Variants in PAK1 observed in about 807,000 individuals in gnomAD.
PAK1 encodes the protein p21 (RAC1) activated kinase 1.
In PAK1, 29 loss-of-function variants were observed where a neutral mutation model predicts 67.4. The ratio of observed to expected loss-of-function variants is 0.43; its 90% CI spans 0.32 to 0.59. PAK1 has a LOEUF of 0.59. PAK1 is among the 20% of genes least tolerant of loss of function. PAK1 has a pLI of 0.07. For synonymous variants in PAK1, 223 were observed against 237.4 expected, an observed-to-expected ratio of 0.94 and a Z score of 0.56; for missense variants, 337 against 670.7, an observed-to-expected ratio of 0.50 and a Z score of 5.50.
Position 77,398,208 on chromosome 11 carries a change from T to C in PAK1, c.-21-5667A>G, listed in dbSNP as rs149278740. Among the ~76,000 whole-genome samples, 1,000 of 152,340 alleles carry C rather than the reference T, an allele frequency of 6.6e-3. 22 individuals carry two copies. Among genetic ancestry groups the C allele is most frequent in the African/African-American group, 0.023 (963 of 41,574 alleles). On this transcript the variant is annotated intron_variant, in intron 1 of 14. Transcript: ENST00000356341. ...CTGTGCTATCAAATAATAGGTCTTA[T>C]TTATTCTATTTTTTTGTACCCATTA... is the stretch of plus-strand genomic sequence containing the variant.
At position 77,380,001 on chromosome 11, in the gene PAK1, G is replaced by A. The variant is rs761248012; in HGVS notation, c.191-7C>T. On this transcript the variant is annotated splice_polypyrimidine_tract_variant and splice_region_variant and intron_variant, in intron 2 of 14. Coordinates refer to ENST00000356341, the MANE Select transcript of PAK1 (RefSeq NM_002576.5). ...TTCTCTTTCTTTTTATTTGCTGCAA[G>A]AGAAACAGGCAAAAGGAAATAAAAA... is the stretch of plus-strand genomic sequence containing the variant. The A allele has an allele frequency of 1.9e-6, 3 of 1,600,378 alleles. 1 individual carries two copies. Among genetic ancestry groups the A allele is most frequent in the South Asian group, 2.2e-5 (2 of 90,490 alleles).
the PAK1 span, among the ~76,000 whole-genome samples, chr11:77,487,114 C>A: frequency 3.9e-5 from 6 of 152,158 alleles, no homozygotes; most frequent in African/African-American, 1.4e-4. Context: ...ACTTGCTCAG[C>A]CACAGTAGGA....
chr11:77,504,232 G>T, the PAK1 span, among the ~76,000 whole-genome samples: 2 of 151,414 alleles, frequency 1.3e-5, no homozygotes, highest in Admixed American at 6.6e-5. Context: ...TAAATTATTA[G>T]TTTGTTAATA....
chr11:77,358,757 A>G (rs1468493281), intron 6 of PAK1, 141 bp downstream of exon 6: 2 of 772,402 alleles, frequency 2.6e-6, no homozygotes, highest in African/African-American at 1.7e-5. Context: ...ACCTTTAGTC[A>G]AGGTAGTTCA....
At chr11:77,378,992 T>C (rs561153) in intron 4 of PAK1, among the ~76,000 whole-genome samples, 106,699 of 152,080 alleles carry the variant, frequency 0.7, 38,275 homozygotes, top group African/African-American at 0.85. Flanking sequence ...CCTTCTAGCA[T>C]AAAACCTGTG....
the PAK1 span, among the ~76,000 whole-genome samples, chr11:77,510,367 A>G: frequency 6.6e-6 from 1 of 152,194 alleles, no homozygotes; most frequent in African/African-American, 2.4e-5. Context: ...CACACTCTCA[A>G]TATAATGCAT....
rs555725847 is a variant in PAK1 at position 77,379,090 on chromosome 11, T to C, written c.439+151A>G. 7.2e-5 allele frequency: 47 copies of C among 655,216 alleles called. No homozygotes were observed. In the Admixed American group the frequency reaches 1.1e-3, roughly 16 times the overall value. The allele number at this position is 655,216 out of a possible 1,614,324, so 40.6% of individuals were successfully genotyped here. On this transcript the variant is annotated intron_variant, in intron 4 of 14. Coordinates refer to ENST00000356341, the MANE Select transcript of PAK1 (RefSeq NM_002576.5). ...AAGTTTGATGCAAAGTCCATCATCT[T>C]GGCTGTCAAATTCCAAAATTCCACG...
intron 1 of PAK1, among the ~76,000 whole-genome samples, chr11:77,447,662 T>C (rs1956677257): frequency 6.6e-6 from 1 of 151,962 alleles, no homozygotes; most frequent in Admixed American, 6.6e-5. Context: ...GTAGCTGGGA[T>C]TACAGGCGCC....
At chr11:77,452,436 G>A (rs986862630) in intron 1 of PAK1, among the ~76,000 whole-genome samples, 1 of 152,114 alleles carries the variant, frequency 6.6e-6, no homozygotes, top group Non-Finnish European at 1.5e-5. Context: ...ATGTGGTCTT[G>A]ACTCTGTAAC....
At chr11:77,504,586 C>A in the PAK1 span, among the ~76,000 whole-genome samples, 1 of 152,168 alleles carries the variant, frequency 6.6e-6, no homozygotes, top group African/African-American at 2.4e-5. Context: ...TATCAATGAG[C>A]TTTTCATACT....
chr11:77,484,679 C>T, the PAK1 span, among the ~76,000 whole-genome samples: 1 of 152,144 alleles, frequency 6.6e-6, no homozygotes, highest in African/African-American at 2.4e-5. Flanking sequence ...TGACCAGTCA[C>T]TAACTTTGTG....
intron 7 of PAK1, among the ~76,000 whole-genome samples, chr11:77,354,043 C>G (rs1226178690): frequency 6.6e-6 from 1 of 151,854 alleles, no homozygotes; most frequent in East Asian, 1.9e-4. Context: ...CAGAAAGAGG[C>G]ACACACACAC....
chr11:77,368,193 T>G (rs1947871344), intron 5 of PAK1, among the ~76,000 whole-genome samples: 1 of 152,096 alleles, frequency 6.6e-6, no homozygotes, highest in Non-Finnish European at 1.5e-5. Context: ...TAAGCAATGG[T>G]GACAAAGACG....
At chr11:77,462,677 C>T (rs113084832) in intron 1 of PAK1, among the ~76,000 whole-genome samples, 4,851 of 150,726 alleles carry the variant, frequency 0.032, 129 homozygotes, top group African/African-American at 0.074. Context: ...ACTAAAAACA[C>T]CAAAATTAGC....
chr11:77,464,778 A>T (rs184485790), intron 1 of PAK1, among the ~76,000 whole-genome samples: 1 of 152,356 alleles, frequency 6.6e-6, no homozygotes, highest in African/African-American at 2.4e-5. Flanking sequence ...AGTTATGCAA[A>T]ATCATCTAAC....
chr11:77,385,239 AAGG>A (rs1329987818), intron 2 of PAK1, among the ~76,000 whole-genome samples: 3 of 152,240 alleles, frequency 2.0e-5, no homozygotes, highest in Admixed American at 1.3e-4. Context: ...AAAGAAGTAA[AAGG>A]AGAAGGATTA....
intron 1 of PAK1, among the ~76,000 whole-genome samples, chr11:77,444,473 G>A (rs1177094961): frequency 1.3e-5 from 2 of 152,120 alleles, no homozygotes; most frequent in African/African-American, 4.8e-5. Flanking sequence ...GAAATGTCCT[G>A]ATTCACCCTC....
At chr11:77,496,586 C>A in the PAK1 span, among the ~76,000 whole-genome samples, 3 of 151,598 alleles carry the variant, frequency 2.0e-5, no homozygotes, top group African/African-American at 7.3e-5. Flanking sequence ...TGCTCTCCAG[C>A]CTGGATAACA....
intron 1 of PAK1, among the ~76,000 whole-genome samples, chr11:77,450,083 A>T (rs550286388): frequency 6.6e-6 from 1 of 152,334 alleles, no homozygotes; most frequent in Non-Finnish European, 1.5e-5. Flanking sequence ...AGTCTAACTC[A>T]AAGTATTAAC....
Sources: gnomAD v4.1 joint callset for allele counts (sites outside exome capture counted in the v4.1 genomes callset) on GRCh38, gnomAD v4.1.1 for gene constraint, MANE v1.5 for transcripts, NCBI Gene and HGNC (gene_info 2026-07-23, HGNC 2026-07-21) for gene names.